Variants in CNBD1 observed in about 807,000 individuals in gnomAD.
The protein encoded by CNBD1 is cyclic nucleotide-binding domain-containing protein 1.
A neutral mutation model predicts 54.4 loss-of-function variants in CNBD1; 71 were observed. The observed-to-expected ratio is 1.30, with a 90% CI of 1.08 to 1.59. The LOEUF (loss-of-function observed/expected upper bound fraction) is 1.59. Among genes scored for constraint, CNBD1 ranks in the 40% most tolerant of loss-of-function variants. The probability of loss-of-function intolerance (pLI) is 0.00; values close to 1 mark genes in which losing one functional copy is unlikely to be tolerated. For synonymous variants in CNBD1, 182 were observed against 170.7 expected (o/e 1.07, Z -0.51); for missense variants, 659 against 518.0 (o/e 1.27, Z -2.64).
intron 10 of CNBD1, among the ~76,000 whole-genome samples, chr8:87,370,459 G>A (rs929314413): frequency 6.6e-6 from 1 of 152,178 alleles, no homozygotes; most frequent in East Asian, 1.9e-4. Flanking sequence ...GTTTTGATTT[G>A]CATTTCTCTG....
intron 6 of CNBD1, among the ~76,000 whole-genome samples, chr8:87,244,910 G>C (rs1807773435): frequency 6.6e-6 from 1 of 152,058 alleles, no homozygotes; most frequent in Non-Finnish European, 1.5e-5. Context: ...TTAAAGTTCA[G>C]TTTTATTACA....
chr8:87,359,463 G>A (rs1261848087), intron 10 of CNBD1, among the ~76,000 whole-genome samples: 1 of 152,006 alleles, frequency 6.6e-6, no homozygotes, highest in Non-Finnish European at 1.5e-5. Context: ...ATTTCAGAAA[G>A]CATTTTATTT....
At chr8:86,928,017 A>G (rs1392973879) in intron 3 of CNBD1, among the ~76,000 whole-genome samples, 2 of 152,044 alleles carry the variant, frequency 1.3e-5, no homozygotes, top group East Asian at 1.9e-4. Context: ...CTGCAGTGGA[A>G]GTAGAGAGGA....
At chr8:87,013,188 C>T (rs1809261185) in intron 4 of CNBD1, among the ~76,000 whole-genome samples, 1 of 152,144 alleles carries the variant, frequency 6.6e-6, no homozygotes, top group Non-Finnish European at 1.5e-5. Context: ...GTCCTTCTGA[C>T]CCCAGGACCT....
intron 2 of CNBD1, among the ~76,000 whole-genome samples, chr8:86,901,732 G>C (rs1399415701): frequency 6.6e-6 from 1 of 152,164 alleles, no homozygotes; most frequent in African/African-American, 2.4e-5. Flanking sequence ...TCTGCATCAA[G>C]CTGGATGGGA....
chr8:87,024,593 C>A (rs775301306), intron 4 of CNBD1, among the ~76,000 whole-genome samples: 21 of 152,190 alleles, frequency 1.4e-4, no homozygotes, highest in Non-Finnish European at 1.5e-5. Context: ...CCACCCACCT[C>A]GGCCTCCCAA....
In CNBD1 at chr8:87,241,302, G is replaced by A. The variant is rs1302273804; in HGVS notation, c.771+4190G>A. ...TTTTTTTTTTTTTTTGAGGAGTCTC[G>A]CTCTGTCGCCCAGGCTGGAGTGCAG... On this transcript the variant is annotated intron_variant, in intron 6 of 10. Transcript: ENST00000518476. 2.7e-5 allele frequency among the ~76,000 whole-genome samples: 3 copies of A among 111,674 alleles called. No individual in the cohort carries two copies. In the South Asian group the frequency reaches 8.1e-4, roughly 30 times the overall value. The allele number at this position is 111,674 out of a possible 152,430, so 73.3% of individuals were successfully genotyped here.
intron 4 of CNBD1, among the ~76,000 whole-genome samples, chr8:87,015,108 A>T: frequency 6.6e-6 from 1 of 152,218 alleles, no homozygotes; most frequent in African/African-American, 2.4e-5. Flanking sequence ...GATATTTAAT[A>T]CTAAAAAACG....
chr8:87,386,103 C>T (rs150891455), downstream of CNBD1, among the ~76,000 whole-genome samples: 2,879 of 152,216 alleles, frequency 0.019, 93 homozygotes, highest in African/African-American at 0.063. Flanking sequence ...CACACCAAAA[C>T]CCCATCTGTG....
At chr8:87,262,192 A>T (rs1808156446) in intron 6 of CNBD1, among the ~76,000 whole-genome samples, 1 of 152,092 alleles carries the variant, frequency 6.6e-6, no homozygotes, top group African/African-American at 2.4e-5. Context: ...CACAATATAA[A>T]TAATTGTTGA....
chr8:87,134,972 T>G (rs915606937), intron 4 of CNBD1, among the ~76,000 whole-genome samples: 1 of 152,146 alleles, frequency 6.6e-6, no homozygotes, highest in Non-Finnish European at 1.5e-5. Flanking sequence ...ACAGGAAATT[T>G]TGAGGCTTAT....
intron 8 of CNBD1, among the ~76,000 whole-genome samples, chr8:87,310,499 A>G (rs1203467230): frequency 6.6e-6 from 1 of 152,198 alleles, no homozygotes; most frequent in Non-Finnish European, 1.5e-5. Flanking sequence ...AAACAAATGG[A>G]GAAACACTCC....
chr8:87,185,528 A>G (rs1028256320), intron 4 of CNBD1, among the ~76,000 whole-genome samples: 4 of 152,192 alleles, frequency 2.6e-5, no homozygotes, highest in African/African-American at 9.6e-5. Context: ...CAGGATCAGC[A>G]CAGCATTTAG....
At chr8:87,058,878 G>A (rs746818599) in intron 4 of CNBD1, among the ~76,000 whole-genome samples, 1 of 152,164 alleles carries the variant, frequency 6.6e-6, no homozygotes, top group African/African-American at 2.4e-5. Flanking sequence ...GCAAATTTAT[G>A]CAGCAGGCTT....
At chr8:87,134,648 G>A (rs1395952825) in intron 4 of CNBD1, among the ~76,000 whole-genome samples, 2 of 137,890 alleles carry the variant, frequency 1.5e-5, no homozygotes, top group Non-Finnish European at 3.0e-5. Context: ...TGTCACCCAG[G>A]CTGGAGTGCA....
chr8:87,167,241 A>G (rs184870791), intron 4 of CNBD1, among the ~76,000 whole-genome samples: 125 of 152,088 alleles, frequency 8.2e-4, no homozygotes, highest in Non-Finnish European at 1.6e-3. Context: ...CATTTCTTTG[A>G]CACGTGTATA....
intron 2 of CNBD1, among the ~76,000 whole-genome samples, chr8:86,901,308 T>C (rs910861542): frequency 3.3e-5 from 5 of 152,142 alleles, no homozygotes; most frequent in African/African-American, 1.2e-4. Flanking sequence ...CATGTGTAGA[T>C]GCTATGATAT....
intron 8 of CNBD1, among the ~76,000 whole-genome samples, chr8:87,339,968 T>A (rs991018162): frequency 1.3e-5 from 2 of 152,222 alleles, no homozygotes; most frequent in African/African-American, 4.8e-5. Context: ...TTTATAGTAA[T>A]CTTTACCTGT....
At chr8:86,928,084 G>A (rs1277363408) in intron 3 of CNBD1, among the ~76,000 whole-genome samples, 1 of 152,064 alleles carries the variant, frequency 6.6e-6, no homozygotes, top group Non-Finnish European at 1.5e-5. Flanking sequence ...AGAGGGAAGG[G>A]ACTTGACCAA....
Sources: gnomAD v4.1 joint callset for allele counts (sites outside exome capture counted in the v4.1 genomes callset) on GRCh38, gnomAD v4.1.1 for gene constraint, MANE v1.5 for transcripts, NCBI Gene and HGNC (gene_info 2026-07-23, HGNC 2026-07-21) for gene names.